TRMT2B: variants seen among roughly 807,000 people sequenced by gnomAD.
TRMT2B encodes tRNA methyltransferase 2B.
Under a neutral mutation model 39.7 loss-of-function variants are expected in TRMT2B, and 34 were observed. That is an observed-to-expected ratio of 0.86 (90% CI 0.65 to 1.14). TRMT2B has a LOEUF of 1.14. Among genes scored for constraint, TRMT2B ranks in the 50% most tolerant of loss-of-function variants. TRMT2B has a pLI of 0.00. For synonymous variants in TRMT2B, 132 were observed against 137.3 expected (o/e 0.96, Z 0.27); for missense variants, 318 against 377.2 (o/e 0.84, Z 1.30).
the TRMT2B span, chrX:100,974,274 C>T: frequency 5.1e-6 from 4 of 791,002 alleles, no homozygotes; most frequent in East Asian, 7.0e-5. Flanking sequence ...TCCTTCCTTC[C>T]TAGCATTACT....
chrX:101,012,321 T>TC (rs1161428359), intron 13 of TRMT2B, among the ~76,000 whole-genome samples: 27 of 109,237 alleles, frequency 2.5e-4, no homozygotes, highest in South Asian at 8.0e-4. Context: ...ATAATTTTTT[T>TC]TTCATTTATT....
At chrX:101,049,351 C>T (rs1335928641) in intron 2 of TRMT2B, among the ~76,000 whole-genome samples, 1 of 108,874 alleles carries the variant, frequency 9.2e-6, no homozygotes, top group Non-Finnish European at 1.9e-5. Context: ...AAAAATTAGC[C>T]AGGTGTGGTG....
intron 13 of TRMT2B, among the ~76,000 whole-genome samples, chrX:101,010,948 A>G (rs1410721385): frequency 8.9e-6 from 1 of 112,079 alleles, no homozygotes; most frequent in East Asian, 2.8e-4. Flanking sequence ...GGTTCCCAGT[A>G]TGTGGCACAG....
the TRMT2B span, among the ~76,000 whole-genome samples, chrX:101,002,423 C>G: frequency 7.9e-4 from 88 of 111,956 alleles, no homozygotes; most frequent in African/African-American, 2.4e-3. Flanking sequence ...AGGTCTTTAC[C>G]TGGCTTTTTT....
chrX:101,022,973 T>C (rs762923104), intron 8 of TRMT2B, among the ~76,000 whole-genome samples: 3 of 112,142 alleles, frequency 2.7e-5, no homozygotes, highest in Admixed American at 9.6e-5. Context: ...TGGGTATTTC[T>C]ATGCCTCCAT....
chrX:101,019,178 CAGGTTCAG>C, intron 12 of TRMT2B, 98 bp downstream of exon 12: 1 of 1,145,244 alleles, frequency 8.7e-7, no homozygotes, highest in Non-Finnish European at 1.2e-6. Flanking sequence ...AGAGGGGAAA[CAGGTTCAG>C]AGCCAGCCCA....
At chrX:101,001,091 T>G in the TRMT2B span, among the ~76,000 whole-genome samples, 1 of 110,902 alleles carries the variant, frequency 9.0e-6, no homozygotes, top group Non-Finnish European at 1.9e-5. Context: ...GATCACACTT[T>G]GACAGGTAAA....
intron 13 of TRMT2B, among the ~76,000 whole-genome samples, chrX:101,011,936 C>T (rs2086269793): frequency 9.0e-6 from 1 of 111,415 alleles, no homozygotes; most frequent in African/African-American, 3.3e-5. Context: ...TCTTCAGGGG[C>T]AATAACATAC....
the TRMT2B span, among the ~76,000 whole-genome samples, chrX:100,986,247 G>A: frequency 2.7e-5 from 3 of 111,564 alleles, no homozygotes; most frequent in Non-Finnish European, 3.8e-5. Flanking sequence ...TTCTGGTTTC[G>A]GTCTCTGATC....
At chrX:101,019,926 G>A (rs898697852) in intron 11 of TRMT2B, among the ~76,000 whole-genome samples, 1 of 110,550 alleles carries the variant, frequency 9.0e-6, no homozygotes, top group Non-Finnish European at 1.9e-5. Flanking sequence ...CACCATGCCC[G>A]GCTATTTTAC....
downstream of TRMT2B, among the ~76,000 whole-genome samples, chrX:101,009,130 C>T (rs1237295629): frequency 8.9e-6 from 1 of 111,893 alleles, no homozygotes; most frequent in Non-Finnish European, 1.9e-5. Flanking sequence ...GTAGCTTTAA[C>T]AGCCATATTT....
At chrX:100,988,685 C>T in the TRMT2B span, 13 of 447,508 alleles carry the variant, frequency 2.9e-5, no homozygotes, top group African/African-American at 5.4e-5. Context: ...AGGAGAAAAG[C>T]ACCTTCCTGT....
At chrX:101,039,094 A>G (rs2148055917) in intron 4 of TRMT2B, among the ~76,000 whole-genome samples, 1 of 106,819 alleles carries the variant, frequency 9.4e-6, no homozygotes, top group South Asian at 4.1e-4. Flanking sequence ...TTTGAGACGG[A>G]GTCTCACTCT....
At chrX:100,997,043 T>C in the TRMT2B span, among the ~76,000 whole-genome samples, 49,680 of 110,381 alleles carry the variant, frequency 0.45, 9,010 homozygotes, top group African/African-American at 0.64. Context: ...AGTTCCATAT[T>C]TGTAAAAGAA....
At chrX:101,033,213 G>A (rs1431933338) in intron 7 of TRMT2B, among the ~76,000 whole-genome samples, 3 of 104,453 alleles carry the variant, frequency 2.9e-5, no homozygotes, top group African/African-American at 7.0e-5. Context: ...CCAAGACTGC[G>A]CCATTGTAAT....
chrX:101,032,243 G>A (rs906799694), intron 7 of TRMT2B, among the ~76,000 whole-genome samples: 11 of 108,438 alleles, frequency 1.0e-4, no homozygotes, highest in African/African-American at 3.7e-4. Context: ...CTGAGATCAC[G>A]CCATTGCACT....
chrX:100,996,317 A>G, the TRMT2B span, among the ~76,000 whole-genome samples: 1 of 112,128 alleles, frequency 8.9e-6, no homozygotes, highest in African/African-American at 3.2e-5. Context: ...GAATACAAAC[A>G]TACAGTTATA....
the TRMT2B span, among the ~76,000 whole-genome samples, chrX:100,984,272 C>T: frequency 1.8e-5 from 2 of 109,858 alleles, no homozygotes; most frequent in Admixed American, 9.6e-5. Flanking sequence ...TGCCACCGCA[C>T]CCGGCTAAGT....
At chrX:100,988,898 T>C in the TRMT2B span, among the ~76,000 whole-genome samples, 16 of 99,755 alleles carry the variant, frequency 1.6e-4, no homozygotes, top group Non-Finnish European at 2.6e-4. Flanking sequence ...TTTAAAAACA[T>C]GAATACACTA....
Sources: allele counts gnomAD v4.1 joint callset (sites outside exome capture counted in the v4.1 genomes callset), GRCh38; gene constraint gnomAD v4.1.1; transcripts MANE v1.5; gene names NCBI Gene and HGNC (gene_info 2026-07-23, HGNC 2026-07-21).